The following GNA12 variants were observed in gnomAD, a reference collection of about 807,000 sequenced individuals.
GNA12 encodes the protein guanine nucleotide-binding protein subunit alpha-12.
In GNA12, 9 loss-of-function variants were observed where a neutral mutation model predicts 26.0. The observed-to-expected ratio is 0.35, with a 90% CI of 0.21 to 0.60. The LOEUF (loss-of-function observed/expected upper bound fraction) is 0.60, where lower values mean the gene tolerates loss of function less well. Among genes scored for constraint, GNA12 ranks in the 20% least tolerant of loss-of-function variants. The pLI, the probability that GNA12 is intolerant of heterozygous loss-of-function variation, is 0.78. For missense variants in GNA12, 405 were observed against 525.8 expected (o/e 0.77, Z 2.25); for synonymous variants, 264 against 219.6 (o/e 1.20, Z -1.79).
rs563984817 is a variant in GNA12 at position 2,739,674 on chromosome 7, G to A, written c.526-6173C>T. On this transcript the variant is annotated intron_variant, in intron 2 of 3. Transcript: ENST00000275364. ...AGGAGTGAAACTGTAGCATCCTATG[G>A]TAGTTCTTTTTTTATTTTAAAATGG... 5.3e-5 allele frequency among the ~76,000 whole-genome samples: 8 copies of A among 152,130 alleles called. No homozygotes were observed. In the South Asian group the frequency reaches 1.5e-3, roughly 28 times the overall value.
chr7:2,735,132 G>A (rs530102490), intron 2 of GNA12, among the ~76,000 whole-genome samples: 1 of 152,200 alleles, frequency 6.6e-6, no homozygotes, highest in South Asian at 2.1e-4. Flanking sequence ...TTTACGACAA[G>A]TTCCTTCCTC....
intron 2 of GNA12, among the ~76,000 whole-genome samples, chr7:2,763,757 CA>C (rs1342614920): frequency 6.6e-6 from 1 of 152,188 alleles, no homozygotes; most frequent in Non-Finnish European, 1.5e-5. Flanking sequence ...ATGCCTCCCC[CA>C]CAGGCTCTGC....
chr7:2,821,732 T>A (rs966962361), intron 1 of GNA12, among the ~76,000 whole-genome samples: 2 of 152,222 alleles, frequency 1.3e-5, no homozygotes, highest in African/African-American at 4.8e-5. Context: ...GCAAGTCTAG[T>A]AGCAAAGGGC....
intron 2 of GNA12, among the ~76,000 whole-genome samples, chr7:2,744,776 A>T (rs902982701): frequency 6.6e-6 from 1 of 152,188 alleles, no homozygotes; most frequent in Non-Finnish European, 1.5e-5. Flanking sequence ...TTTGAAAAAA[A>T]ATTAGACAAA....
chr7:2,821,379 C>T (rs886940777), intron 1 of GNA12, among the ~76,000 whole-genome samples: 3 of 152,290 alleles, frequency 2.0e-5, no homozygotes, highest in South Asian at 2.1e-4. Context: ...TCCCTTCCCT[C>T]GTAAATACTG....
intron 1 of GNA12, among the ~76,000 whole-genome samples, chr7:2,801,469 A>C (rs547188110): frequency 1.1e-4 from 17 of 152,196 alleles, no homozygotes; most frequent in Non-Finnish European, 2.1e-4. Context: ...TTAAAAACAC[A>C]CACACGCAAA....
At chr7:2,750,557 GA>G (rs780986531) in intron 2 of GNA12, among the ~76,000 whole-genome samples, 7 of 152,168 alleles carry the variant, frequency 4.6e-5, no homozygotes, top group Non-Finnish European at 7.3e-5. Flanking sequence ...CAATAAAACA[GA>G]ACAATTGTAA....
intron 1 of GNA12, among the ~76,000 whole-genome samples, chr7:2,805,492 C>G (rs750147276): frequency 6.6e-6 from 1 of 152,128 alleles, no homozygotes; most frequent in Admixed American, 6.5e-5. Context: ...CAGCCTTGAC[C>G]GCGCGGGCTC....
At position 2,818,444 on chromosome 7, in the gene GNA12, G is replaced by GTAATAAAGAAAATACAACTTA. The variant is rs1301144710; in HGVS notation, c.310-23322_310-23302dup. 4.0e-3 allele frequency among the ~76,000 whole-genome samples: 602 copies of GTAATAAAGAAAATACAACTTA among 152,284 alleles called. 5 individuals are homozygous for GTAATAAAGAAAATACAACTTA. The highest frequency in any genetic ancestry group is 0.014 in the African/African-American group (571 of 41,542). ...TTAGAGGCTAGACAAACTACAGCTT[G>GTAATAAAGAAAATACAACTTA]TAATAAAGAAAATACAACTTATAAT... On this transcript the variant is annotated intron_variant, in intron 1 of 3. Coordinates refer to ENST00000275364, the MANE Select transcript of GNA12 (RefSeq NM_007353.3).
chr7:2,747,102 C>G (rs1440222851), intron 2 of GNA12, among the ~76,000 whole-genome samples: 2 of 152,258 alleles, frequency 1.3e-5, no homozygotes, highest in East Asian at 3.9e-4. Context: ...CAAGGAGGAG[C>G]TGGCACCATT....
chr7:2,754,454 G>C (rs1431515368), intron 2 of GNA12, among the ~76,000 whole-genome samples: 1 of 152,036 alleles, frequency 6.6e-6, no homozygotes. Flanking sequence ...CTTACTAAGA[G>C]GATCTGGGCA....
chr7:2,745,069 A>G (rs1030604991), intron 2 of GNA12, among the ~76,000 whole-genome samples: 1 of 152,236 alleles, frequency 6.6e-6, no homozygotes, highest in African/African-American at 2.4e-5. Flanking sequence ...TGACAGGGAG[A>G]ATGGAACCAA....
intron 2 of GNA12, among the ~76,000 whole-genome samples, chr7:2,736,998 G>A (rs964116971): frequency 6.6e-6 from 1 of 152,164 alleles, no homozygotes; most frequent in Non-Finnish European, 1.5e-5. Context: ...CCTAATTGGA[G>A]CCTTTCTACC....
intron 1 of GNA12, among the ~76,000 whole-genome samples, chr7:2,814,037 T>G (rs909518677): frequency 1.2e-4 from 18 of 152,216 alleles, no homozygotes; most frequent in African/African-American, 3.9e-4. Context: ...CATCTCATCC[T>G]CTCTTGCCCT....
chr7:2,746,173 A>C (rs1227570991), intron 2 of GNA12, among the ~76,000 whole-genome samples: 1 of 152,234 alleles, frequency 6.6e-6, no homozygotes, highest in East Asian at 1.9e-4. Context: ...AGCAGACCTA[A>C]TAGACATCTA....
At chr7:2,747,819 A>C (rs1790841563) in intron 2 of GNA12, among the ~76,000 whole-genome samples, 1 of 152,240 alleles carries the variant, frequency 6.6e-6, no homozygotes, top group Non-Finnish European at 1.5e-5. Context: ...AAGCAACTTC[A>C]GGATATAAAA....
chr7:2,759,352 C>A (rs1270904779), intron 2 of GNA12, among the ~76,000 whole-genome samples: 1 of 152,116 alleles, frequency 6.6e-6, no homozygotes, highest in Non-Finnish European at 1.5e-5. Context: ...TCCTATGTGC[C>A]TGCACTGTTC....
intron 2 of GNA12, among the ~76,000 whole-genome samples, chr7:2,754,618 C>T (rs959307737): frequency 5.3e-5 from 8 of 151,578 alleles, no homozygotes; most frequent in Admixed American, 6.6e-5. Context: ...TATAGTGTTG[C>T]GTTCCTGTAG....
At chr7:2,783,857 G>T (rs754681790) in intron 2 of GNA12, among the ~76,000 whole-genome samples, 12 of 151,552 alleles carry the variant, frequency 7.9e-5, no homozygotes, top group Non-Finnish European at 1.2e-4. Context: ...GCTTATTTTT[G>T]TATTTTTAGT....
Sources: gnomAD v4.1 joint callset for allele counts (sites outside exome capture counted in the v4.1 genomes callset) on GRCh38, gnomAD v4.1.1 for gene constraint, MANE v1.5 for transcripts, NCBI Gene and HGNC (gene_info 2026-07-23, HGNC 2026-07-21) for gene names.